SPATS2L: variants seen among roughly 807,000 people sequenced by gnomAD.
SPATS2L encodes SPATS2-like protein.
In SPATS2L, 30 loss-of-function variants were observed where a neutral mutation model predicts 59.6. The ratio of observed to expected loss-of-function variants is 0.50; its 90% CI spans 0.38 to 0.68. SPATS2L has a LOEUF of 0.68. Among genes scored for constraint, SPATS2L ranks in the 30% least tolerant of loss-of-function variants. The pLI, the probability that SPATS2L is intolerant of heterozygous loss-of-function variation, is 0.00. For synonymous variants in SPATS2L, 252 were observed against 263.5 expected (o/e 0.96, Z 0.42); for missense variants, 615 against 700.0 (o/e 0.88, Z 1.37).
At chr2:200,422,186 ATTAT>A in intron 6 of SPATS2L, among the ~76,000 whole-genome samples, 1 of 152,306 alleles carries the variant, frequency 6.6e-6, no homozygotes, top group South Asian at 2.1e-4. Context: ...GTGTGTTGGT[ATTAT>A]TTGTTAATGT....
intron 2 of SPATS2L, among the ~76,000 whole-genome samples, chr2:200,370,808 G>A (rs1453936962): frequency 6.6e-6 from 1 of 152,120 alleles, no homozygotes; most frequent in Non-Finnish European, 1.5e-5. Context: ...GTACTTAATG[G>A]CATAAGTGAC....
At chr2:200,350,650 A>C (rs1011273543) in intron 2 of SPATS2L, among the ~76,000 whole-genome samples, 2 of 152,016 alleles carry the variant, frequency 1.3e-5, no homozygotes, top group Non-Finnish European at 2.9e-5. Flanking sequence ...CAGCCTCCCA[A>C]GTAGCTGGGA....
intron 6 of SPATS2L, among the ~76,000 whole-genome samples, chr2:200,429,410 C>T (rs1205077172): frequency 6.6e-6 from 1 of 152,176 alleles, no homozygotes; most frequent in Non-Finnish European, 1.5e-5. Flanking sequence ...CAAGCCAAGA[C>T]TGAGATTCTG....
intron 6 of SPATS2L, among the ~76,000 whole-genome samples, chr2:200,437,717 T>C (rs1235126116): frequency 6.6e-6 from 1 of 152,176 alleles, no homozygotes; most frequent in Non-Finnish European, 1.5e-5. Context: ...ATAGAAAGTA[T>C]GTTGTGCTTT....
chr2:200,414,453 C>T (rs1158816365), intron 4 of SPATS2L, among the ~76,000 whole-genome samples: 2 of 152,062 alleles, frequency 1.3e-5, no homozygotes, highest in Non-Finnish European at 2.9e-5. Context: ...CATGGCGAGA[C>T]ACTGTCTCTA....
chr2:200,419,278 A>G lies in SPATS2L; in HGVS notation c.227A>G (p.Lys76Arg). 1.3e-6 allele frequency: 2 copies of G among 1,589,000 alleles called. No individual in the cohort carries two copies. Among genetic ancestry groups the G allele is most frequent in the Non-Finnish European group, 1.7e-6 (2 of 1,166,976 alleles). ...AATAAAAGAAAAAGAAGCAAGTCCA[A>G]GCAGCATCAAGGCAACAAAGATGCT... ...KNNKRKRSKS[K>R]QHQGNKDAKD... Residue 76 changes from lysine to arginine, a missense_variant, in exon 6 of 13, where the codon AAG (lysine) becomes AGG (arginine). Transcript: ENST00000409140.
chr2:200,470,718 G>C (rs1471491815), intron 11 of SPATS2L, among the ~76,000 whole-genome samples: 1 of 152,108 alleles, frequency 6.6e-6, no homozygotes, highest in Admixed American at 6.5e-5. Context: ...ATTAAGATTT[G>C]GCTGCACTTC....
intron 4 of SPATS2L, among the ~76,000 whole-genome samples, chr2:200,412,881 G>A (rs531488008): frequency 8.6e-5 from 13 of 151,558 alleles, no homozygotes; most frequent in African/African-American, 2.9e-4. Flanking sequence ...GTGAAACCCC[G>A]TCTCTATAAA....
chr2:200,460,030 A>C (rs2086124652), intron 9 of SPATS2L, among the ~76,000 whole-genome samples: 1 of 152,212 alleles, frequency 6.6e-6, no homozygotes, highest in Admixed American at 6.5e-5. Flanking sequence ...TACAGTTGTA[A>C]CACTCACCTC....
At position 200,396,201 on chromosome 2, in the gene SPATS2L, A is replaced by G. The variant is rs564508660; in HGVS notation, c.39+6918A>G. 2.0e-5 allele frequency among the ~76,000 whole-genome samples: 3 copies of G among 151,682 alleles called. No individual in the cohort carries two copies. In the South Asian group the frequency reaches 6.3e-4, roughly 32 times the overall value. ...CAAAAAATAAGTGAGACTAGACAAT[A>G]CGATGATATGGAAATGGGGAACAGC... On this transcript the variant is annotated intron_variant, in intron 3 of 12. Coordinates refer to ENST00000409140, the MANE Select transcript of SPATS2L (RefSeq NM_001100423.2).
chr2:200,480,751 G>A lies in SPATS2L; in HGVS notation c.*2720G>A, dbSNP rs146107318. The stretch of plus-strand genomic sequence containing the variant: ...TTGAAACAGTAATTTCAATATTTTA[G>A]TGCCAATGTCAGGCCGCTTAAACAC... On this transcript the variant is annotated 3_prime_UTR_variant, in exon 13 of 13. Coordinates refer to ENST00000409140, the MANE Select transcript of SPATS2L (RefSeq NM_001100423.2). The A allele has an allele frequency of 6.6e-6, 1 of 152,144 alleles. No individual in the cohort carries two copies. The highest frequency in any genetic ancestry group is 2.4e-5 in the African/African-American group (1 of 41,438). 9.4% of individuals were successfully genotyped at this position (152,144 alleles called of 1,614,324 possible). A position where few individuals can be genotyped will look rare whatever the true frequency, so the allele number is the denominator to read the frequency against.
chr2:200,313,238 T>C (rs1559030981), intron 1 of SPATS2L, among the ~76,000 whole-genome samples: 2 of 152,294 alleles, frequency 1.3e-5, no homozygotes, highest in Non-Finnish European at 2.9e-5. Context: ...TGAAGTGATA[T>C]TTAGGAGCAG....
Position 200,416,363 on chromosome 2 carries a change from C to T in SPATS2L, c.149-16C>T. The T allele has an allele frequency of 7.2e-7, 1 of 1,381,996 alleles. No individual in the cohort carries two copies. The highest frequency in any genetic ancestry group is 2.7e-5 in the East Asian group (1 of 37,376). 85.6% of individuals were successfully genotyped at this position (1,381,996 alleles called of 1,614,324 possible). On this transcript the variant is annotated splice_polypyrimidine_tract_variant and intron_variant, in intron 4 of 12. Coordinates refer to ENST00000409140, the MANE Select transcript of SPATS2L (RefSeq NM_001100423.2). ...ATGATGTGAATATTTGTTGAAGATT[C>T]TTTGTCTTTATCTAGGCAGTGCAAT... is the stretch of plus-strand genomic sequence containing the variant.
At chr2:200,344,108 C>T (rs1306776614) in intron 2 of SPATS2L, among the ~76,000 whole-genome samples, 1 of 150,962 alleles carries the variant, frequency 6.6e-6, no homozygotes, top group Non-Finnish European at 1.5e-5. Flanking sequence ...GGTGCATGTC[C>T]AGGTTTGTTA....
chr2:200,349,204 G>A (rs1402715260), intron 2 of SPATS2L, among the ~76,000 whole-genome samples: 2 of 152,184 alleles, frequency 1.3e-5, no homozygotes, highest in African/African-American at 2.4e-5. Flanking sequence ...CCAGCATTCC[G>A]TCTGTCACTT....
chr2:200,314,910 T>C (rs910977702), intron 1 of SPATS2L, among the ~76,000 whole-genome samples: 22 of 152,250 alleles, frequency 1.4e-4, no homozygotes, highest in Non-Finnish European at 2.4e-4. Flanking sequence ...AGTTTTGATA[T>C]AGTAGGTTAA....
At chr2:200,370,679 T>C (rs2081401120) in intron 2 of SPATS2L, among the ~76,000 whole-genome samples, 1 of 152,238 alleles carries the variant, frequency 6.6e-6, no homozygotes, top group Admixed American at 6.5e-5. Context: ...TCTGTGTAGT[T>C]GATATTGATA....
At chr2:200,457,842 C>G (rs913467371) in intron 8 of SPATS2L, among the ~76,000 whole-genome samples, 2 of 152,224 alleles carry the variant, frequency 1.3e-5, no homozygotes, top group Non-Finnish European at 2.9e-5. Context: ...CCAGAAGTCA[C>G]TTCTTACTTT....
intron 6 of SPATS2L, among the ~76,000 whole-genome samples, chr2:200,432,266 G>A (rs1464874002): frequency 1.3e-5 from 2 of 152,152 alleles, no homozygotes; most frequent in East Asian, 3.8e-4. Flanking sequence ...TTGGTGGGGA[G>A]GAAGATGATT....
Sources: gnomAD v4.1 joint callset for allele counts (sites outside exome capture counted in the v4.1 genomes callset) on GRCh38, gnomAD v4.1.1 for gene constraint, MANE v1.5 for transcripts, NCBI Gene and HGNC (gene_info 2026-07-23, HGNC 2026-07-21) for gene names.